Variants in PPP1R16B observed in about 807,000 individuals in gnomAD.
The protein encoded by PPP1R16B is protein phosphatase 1 regulatory inhibitor subunit 16B.
In PPP1R16B, 14 loss-of-function variants were observed where a neutral mutation model predicts 61.7. The ratio of observed to expected loss-of-function variants is 0.23; its 90% CI spans 0.15 to 0.35. The LOEUF (loss-of-function observed/expected upper bound fraction) is 0.35. PPP1R16B is among the 10% of genes least tolerant of loss of function. PPP1R16B has a pLI of 1.00. For synonymous variants in PPP1R16B, 266 were observed against 305.3 expected (o/e 0.87, Z 1.34); for missense variants, 547 against 752.5 (o/e 0.73, Z 3.19).
At chr20:38,908,954 A>G (rs1009061381) in intron 10 of PPP1R16B, among the ~76,000 whole-genome samples, 2 of 151,898 alleles carry the variant, frequency 1.3e-5, no homozygotes, top group African/African-American at 4.8e-5. Flanking sequence ...CTATCTCCAC[A>G]TGACCTTTTT....
chr20:38,829,147 G>A (rs748018687), intron 1 of PPP1R16B, among the ~76,000 whole-genome samples: 17 of 152,202 alleles, frequency 1.1e-4, no homozygotes, highest in Non-Finnish European at 2.2e-4. Flanking sequence ...GACAAGAGGG[G>A]CTGAGTTAAG....
At chr20:38,855,720 G>A (rs977680563) in intron 2 of PPP1R16B, among the ~76,000 whole-genome samples, 1 of 151,444 alleles carries the variant, frequency 6.6e-6, no homozygotes, top group African/African-American at 2.4e-5. Context: ...GCTGCAACAG[G>A]GCCATGCCAC....
At chr20:38,881,750 C>A (rs1004642339) in intron 2 of PPP1R16B, among the ~76,000 whole-genome samples, 2 of 152,210 alleles carry the variant, frequency 1.3e-5, no homozygotes, top group African/African-American at 2.4e-5. Context: ...GAACACTGAC[C>A]TTTATTGGCA....
At chr20:38,871,339 G>T (rs2085127842) in intron 2 of PPP1R16B, among the ~76,000 whole-genome samples, 1 of 152,090 alleles carries the variant, frequency 6.6e-6, no homozygotes, top group Non-Finnish European at 1.5e-5. Context: ...ACTCAAACAA[G>T]CAGGTATGGG....
At chr20:38,841,290 G>T (rs180953232) in intron 2 of PPP1R16B, among the ~76,000 whole-genome samples, 1 of 147,960 alleles carries the variant, frequency 6.8e-6, no homozygotes, top group African/African-American at 2.5e-5. Context: ...ACTTTGGGAG[G>T]CCAAGGTAGA....
chr20:38,916,020 C>G (rs1212600082), intron 10 of PPP1R16B, among the ~76,000 whole-genome samples: 2 of 150,174 alleles, frequency 1.3e-5, no homozygotes, highest in Admixed American at 6.7e-5. Flanking sequence ...AAGAAACGGT[C>G]TCTCCATGAC....
chr20:38,829,029 C>T (rs910192000), intron 1 of PPP1R16B, among the ~76,000 whole-genome samples: 1 of 152,188 alleles, frequency 6.6e-6, no homozygotes, highest in African/African-American at 2.4e-5. Context: ...TCTTGCCTTT[C>T]CCTTAAAGGG....
intron 1 of PPP1R16B, among the ~76,000 whole-genome samples, chr20:38,814,469 C>T (rs2084722537): frequency 6.6e-6 from 1 of 152,084 alleles, no homozygotes; most frequent in Non-Finnish European, 1.5e-5. Flanking sequence ...CACAATTTCC[C>T]CATATGTAAA....
chr20:38,903,932 G>A (rs539026899), intron 6 of PPP1R16B, among the ~76,000 whole-genome samples: 1 of 152,168 alleles, frequency 6.6e-6, no homozygotes, highest in African/African-American at 2.4e-5. Flanking sequence ...CCCTGTCCCA[G>A]GCTTAGGTTC....
intron 2 of PPP1R16B, among the ~76,000 whole-genome samples, chr20:38,839,895 T>C (rs974030519): frequency 2.0e-5 from 3 of 152,252 alleles, no homozygotes; most frequent in African/African-American, 7.2e-5. Context: ...TGTGCAAATG[T>C]TTATCGAGGA....
intron 1 of PPP1R16B, among the ~76,000 whole-genome samples, chr20:38,817,904 C>T (rs532033518): frequency 5.9e-5 from 9 of 152,260 alleles, no homozygotes; most frequent in East Asian, 3.9e-4. Flanking sequence ...ATTAGCCGGG[C>T]GTGGTGGCGG....
intron 2 of PPP1R16B, among the ~76,000 whole-genome samples, chr20:38,871,935 T>A (rs895326642): frequency 2.0e-5 from 3 of 152,230 alleles, no homozygotes; most frequent in African/African-American, 7.2e-5. Flanking sequence ...AATAATTATT[T>A]AACTCAACAT....
chr20:38,879,129 C>G (rs2145751304), intron 2 of PPP1R16B, among the ~76,000 whole-genome samples: 1 of 152,282 alleles, frequency 6.6e-6, no homozygotes, highest in East Asian at 1.9e-4. Flanking sequence ...CAGTAAAGAA[C>G]AGGGGCCTGG....
chr20:38,815,701 G>A (rs2084731062), intron 1 of PPP1R16B, among the ~76,000 whole-genome samples: 1 of 152,208 alleles, frequency 6.6e-6, no homozygotes, highest in Non-Finnish European at 1.5e-5. Context: ...ATATAAAGCA[G>A]AACATTTCTG....
chr20:38,814,028 C>T (rs1424440680), intron 1 of PPP1R16B, among the ~76,000 whole-genome samples: 1 of 152,014 alleles, frequency 6.6e-6, no homozygotes, highest in African/African-American at 2.4e-5. Flanking sequence ...AACTCCTGAC[C>T]TCAAGTGATC....
intron 2 of PPP1R16B, among the ~76,000 whole-genome samples, chr20:38,879,973 G>A (rs2085193317): frequency 6.6e-6 from 1 of 152,050 alleles, no homozygotes; most frequent in African/African-American, 2.4e-5. Flanking sequence ...GCCCAGCCTG[G>A]GAATGCTCTT....
At chr20:38,855,190 T>C (rs1053708709) in intron 2 of PPP1R16B, among the ~76,000 whole-genome samples, 1 of 152,150 alleles carries the variant, frequency 6.6e-6, no homozygotes, top group Non-Finnish European at 1.5e-5. Flanking sequence ...CTGGTTGCCA[T>C]GTGTCATCTC....
chr20:38,856,599 C>G (rs905268640), intron 2 of PPP1R16B, among the ~76,000 whole-genome samples: 8 of 152,118 alleles, frequency 5.3e-5, no homozygotes, highest in Non-Finnish European at 1.0e-4. Context: ...ATCTGAGCCC[C>G]CAATTTCCCC....
chr20:38,824,546 A>G (rs1441462308), intron 1 of PPP1R16B, among the ~76,000 whole-genome samples: 1 of 152,182 alleles, frequency 6.6e-6, no homozygotes, highest in Non-Finnish European at 1.5e-5. Flanking sequence ...TGTCAGTTCC[A>G]TCCCACACTG....
Sources: allele counts gnomAD v4.1 joint callset (sites outside exome capture counted in the v4.1 genomes callset), GRCh38; gene constraint gnomAD v4.1.1; transcripts MANE v1.5; gene names NCBI Gene and HGNC (gene_info 2026-07-23, HGNC 2026-07-21).